Variants in SESTD1 observed in about 807,000 individuals in gnomAD.
SESTD1 encodes the protein SEC14 and spectrin domain containing 1, also known as SEC14 domain and spectrin repeat-containing protein 1.
SESTD1 carries 43 observed loss-of-function variants against 101.7 expected under a neutral mutation model. The observed-to-expected ratio is 0.42, with a 90% CI of 0.33 to 0.55. The LOEUF (loss-of-function observed/expected upper bound fraction) is 0.55, where lower values mean the gene tolerates loss of function less well. Ranked by LOEUF, SESTD1 falls within the 20% of genes least tolerant of loss-of-function variation. The pLI, the probability that SESTD1 is intolerant of heterozygous loss-of-function variation, is 0.07. For missense variants in SESTD1, 647 were observed against 815.1 expected (o/e 0.79, Z 2.51); for synonymous variants, 283 against 286.8 (o/e 0.99, Z 0.13).
At chr2:179,170,412 G>T (rs1201976794) in intron 5 of SESTD1, among the ~76,000 whole-genome samples, 1 of 151,990 alleles carries the variant, frequency 6.6e-6, no homozygotes. Flanking sequence ...TAAAAAATAG[G>T]TAAGAGATTT....
intron 1 of SESTD1, among the ~76,000 whole-genome samples, chr2:179,192,408 AT>A (rs1282525994): frequency 2.0e-5 from 3 of 152,136 alleles, no homozygotes; most frequent in African/African-American, 7.2e-5. Flanking sequence ...ACCACATCTT[AT>A]CCTGTTTATC....
In SESTD1 at chr2:179,115,074, A is replaced by C; in HGVS notation, c.1830T>G (p.Asn610Lys). ...AAAAACACAAGCAAACCTTTTCAGC[A>C]TTTGAGTGAAATGCAATAGCCATTT... ...RLEMAIAFHSNAEKILQDCPE... is the reference protein window; with the variant it reads ...RLEMAIAFHSKAEKILQDCPE... Residue 610 changes from asparagine to lysine, a missense_variant, in exon 16 of 18, where the codon AAT (asparagine) becomes AAG (lysine). Physicochemically the swap from Asn to Lys is moderately conservative, Grantham distance 94 (BLOSUM62 0). Transcript: ENST00000428443. 1 of 1,609,990 alleles carries C rather than the reference A, an allele frequency of 6.2e-7. No individual in the cohort carries two copies. Among genetic ancestry groups the C allele is most frequent in the South Asian group, 1.1e-5 (1 of 89,786 alleles).
chr2:179,191,837 T>A lies in SESTD1; in HGVS notation c.5A>T (p.Glu2Val). The change falls in exon 2 of 18, where the codon GAG (glutamate) becomes GTG (valine). Residue 2 changes from glutamate to valine, a missense_variant. Glu to Val is a moderately radical substitution (Grantham distance 121). Transcript: ENST00000428443. Reference sequence around the variant, plus strand: ...CAGAATGGGTAATATTACTGAGGCCTCCATTTTACTCCAGTGAACTTCCTT... The same window carrying A: ...CAGAATGGGTAATATTACTGAGGCCACCATTTTACTCCAGTGAACTTCCTT... MEASVILPILKK... is the reference protein window; with the variant it reads MVASVILPILKK... 1 of 1,611,350 alleles carries A rather than the reference T, an allele frequency of 6.2e-7. No homozygotes were observed. Among genetic ancestry groups the A allele is most frequent in the Non-Finnish European group, 8.5e-7 (1 of 1,178,424 alleles).
chr2:179,170,051 T>C (rs187799698), intron 5 of SESTD1, among the ~76,000 whole-genome samples: 90 of 150,490 alleles, frequency 6.0e-4, no homozygotes, highest in Non-Finnish European at 1.1e-3. Flanking sequence ...TCAAAATAGA[T>C]CACAGATCTA....
chr2:179,211,631 G>GCACACACACACACA (rs145783981), intron 1 of SESTD1, among the ~76,000 whole-genome samples: 1 of 130,822 alleles, frequency 7.6e-6, no homozygotes, highest in Non-Finnish European at 1.6e-5. Context: ...ACACACACAT[G>GCACACACACACACA]CACACACACA....
At chr2:179,249,890 C>CAAAAA (rs60865157) in intron 1 of SESTD1, among the ~76,000 whole-genome samples, 3 of 111,398 alleles carry the variant, frequency 2.7e-5, no homozygotes, top group Non-Finnish European at 3.8e-5. Flanking sequence ...TATCCACAGG[C>CAAAAA]AAAAAAAAAA....
chr2:179,148,041 T>C (rs527626168), intron 7 of SESTD1, among the ~76,000 whole-genome samples: 3 of 152,242 alleles, frequency 2.0e-5, no homozygotes, highest in African/African-American at 7.2e-5. Context: ...ATCTGTAGGA[T>C]GGAAACATTC....
rs745366022 is a variant in SESTD1, at chr2:179,149,369, G to C, written c.509C>G (p.Ser170Cys). Reference protein sequence around the residue: ...RLVFEKFTKESTSLLDELALI... With the variant: ...RLVFEKFTKECTSLLDELALI... ...AGCAAGTTCATCTAATAATGATGTA[G>C]ATTCCTTTGTAAACTTCTCAAAAAC... The change falls in exon 7 of 18, where the codon TCT (serine) becomes TGT (cysteine). Residue 170 changes from serine (S) to cysteine (C), a missense_variant. By Grantham distance (112) the Ser-to-Cys change is moderately radical (BLOSUM62 -1). This residue lies in a region of SESTD1 where 168 missense variants were observed against 235.1 expected (regional missense o/e 0.71). Transcript: ENST00000428443. The C allele has an allele frequency of 1.9e-6, 3 of 1,605,308 alleles. No individual in the cohort carries two copies. The Admixed American group carries it at 5.2e-5, about 28-fold the overall frequency.
At chr2:179,259,368 T>A (rs1041622047) in intron 1 of SESTD1, among the ~76,000 whole-genome samples, 1 of 152,046 alleles carries the variant, frequency 6.6e-6, no homozygotes, top group Admixed American at 6.6e-5. Context: ...GTAGCTGGGA[T>A]TACAGGTGCC....
At chr2:179,253,201 G>A (rs768631866) in intron 1 of SESTD1, among the ~76,000 whole-genome samples, 3 of 151,794 alleles carry the variant, frequency 2.0e-5, no homozygotes, top group Non-Finnish European at 4.4e-5. Context: ...TAAATCACCA[G>A]TACTTCTTAA....
chr2:179,113,829 G>T (rs2154393705), intron 16 of SESTD1, among the ~76,000 whole-genome samples: 1 of 150,424 alleles, frequency 6.6e-6, no homozygotes, highest in African/African-American at 2.5e-5. Context: ...TCATGCCACT[G>T]CACTCCAGCC....
At position 179,106,480 on chromosome 2, in the gene SESTD1, G is replaced by GT. The variant is rs2044384556; in HGVS notation, c.*3418dup. The GT allele has an allele frequency of 6.6e-6, 1 of 152,092 alleles. No homozygotes were observed. Among genetic ancestry groups the GT allele is most frequent in the Admixed American group, 6.6e-5 (1 of 15,254 alleles). 9.4% of individuals were successfully genotyped at this position (152,092 alleles called of 1,614,324 possible). On this transcript the variant is annotated 3_prime_UTR_variant, in exon 18 of 18. Coordinates refer to ENST00000428443, the MANE Select transcript of SESTD1 (RefSeq NM_178123.5). ...AGCTAACTTCATAATCACATCATTG[G>GT]TAACAATGGGTTTAGATCAGAGTAT...
In SESTD1 at chr2:179,163,958, CA is replaced by C. The variant is rs561286174; in HGVS notation, c.369+8161del. Among the ~76,000 whole-genome samples, 308 of 152,246 alleles carry C rather than the reference CA, an allele frequency of 2.0e-3. 1 individual carries two copies. Among genetic ancestry groups the C allele is most frequent in the African/African-American group, 6.9e-3 (286 of 41,526 alleles). On this transcript the variant is annotated intron_variant, in intron 5 of 17. Transcript: ENST00000428443. ...TATCCTTTCCTAGTAAAACATTCCC[CA>C]AAAACCTACCACTGAAACTTGCATT...
intron 1 of SESTD1, among the ~76,000 whole-genome samples, chr2:179,251,855 G>A (rs1206490741): frequency 6.6e-6 from 1 of 152,116 alleles, no homozygotes. Flanking sequence ...AATCTGCCGT[G>A]CTTGGATCCT....
At chr2:179,132,547 C>T in intron 9 of SESTD1, 121 bp from the exon 10 acceptor site, 1 of 1,096,868 alleles carries the variant, frequency 9.1e-7, no homozygotes, top group Non-Finnish European at 1.3e-6. Flanking sequence ...TATTTACATT[C>T]TATCACATAG....
intron 1 of SESTD1, among the ~76,000 whole-genome samples, chr2:179,213,602 C>T (rs2046679992): frequency 7.4e-6 from 1 of 134,952 alleles, no homozygotes; most frequent in African/African-American, 2.9e-5. Flanking sequence ...AGAACTTCCC[C>T]AACCTGGCAA....
intron 5 of SESTD1, among the ~76,000 whole-genome samples, chr2:179,160,374 G>GA (rs1432947228): frequency 6.6e-6 from 1 of 152,004 alleles, no homozygotes; most frequent in Non-Finnish European, 1.5e-5. Context: ...AAAAAGCTTT[G>GA]AAAATCTTCA....
intron 8 of SESTD1, among the ~76,000 whole-genome samples, chr2:179,145,548 A>C (rs1164517996): frequency 2.0e-5 from 3 of 152,264 alleles, no homozygotes; most frequent in African/African-American, 7.2e-5. Flanking sequence ...TTTCAATTGG[A>C]AAAAATTACA....
chr2:179,207,844 G>A (rs1574036717), intron 1 of SESTD1, among the ~76,000 whole-genome samples: 1 of 134,446 alleles, frequency 7.4e-6, no homozygotes, highest in African/African-American at 3.0e-5. Context: ...GATCACACTA[G>A]CTCCTCTCTG....
Sources: gnomAD v4.1 joint callset for allele counts (sites outside exome capture counted in the v4.1 genomes callset) on GRCh38, gnomAD v4.1.1 for gene constraint, gnomAD v4.1.1 regional missense constraint, MANE v1.5 for transcripts, NCBI Gene and HGNC (gene_info 2026-07-23, HGNC 2026-07-21) for gene names.